The following NLRP4 variants were observed in gnomAD, a reference collection of about 807,000 sequenced individuals.
NLRP4 encodes the protein NACHT, LRR and PYD domains-containing protein 4.
A neutral mutation model predicts 84.7 loss-of-function variants in NLRP4; 44 were observed. That is an observed-to-expected ratio of 0.52 (90% CI 0.41 to 0.67). The LOEUF is 0.67. Among genes scored for constraint, NLRP4 ranks in the 30% least tolerant of loss-of-function variants. NLRP4 has a pLI of 0.00. For missense variants in NLRP4, 1,260 were observed against 1,219.4 expected (o/e 1.03, Z -0.50); for synonymous variants, 544 against 476.4 (o/e 1.14, Z -1.85).
At chr19:55,848,304 G>A (rs761782413) in intron 1 of NLRP4, among the ~76,000 whole-genome samples, 2 of 152,106 alleles carry the variant, frequency 1.3e-5, no homozygotes, top group Non-Finnish European at 2.9e-5. Context: ...TGTTGGCCTT[G>A]ATCTCCTAGC....
intron 1 of NLRP4, among the ~76,000 whole-genome samples, chr19:55,841,076 C>T (rs1174067206): frequency 1.3e-5 from 2 of 152,108 alleles, no homozygotes; most frequent in East Asian, 3.8e-4. Flanking sequence ...CACATATATC[C>T]ATTGTATAAT....
chr19:55,836,591 C>A lies in NLRP4; in HGVS notation c.-409C>A, dbSNP rs543632482. ...AGTCAGCGCTTCGTGCTGGGCTGTTCGTCTCTTCTATGTGCTGATTTCCTG... is the reference window on the plus strand; with the variant it reads ...AGTCAGCGCTTCGTGCTGGGCTGTTAGTCTCTTCTATGTGCTGATTTCCTG... On this transcript the variant is annotated 5_prime_UTR_variant, in exon 1 of 10. Transcript: ENST00000301295. The A allele has an allele frequency of 2.0e-5, 3 of 152,548 alleles. No individual in the cohort carries two copies. The highest frequency in any genetic ancestry group is 1.9e-4 in the East Asian group (1 of 5,190). 9.4% of individuals were successfully genotyped at this position (152,548 alleles called of 1,614,324 possible).
In NLRP4 at chr19:55,846,117, A is replaced by C. The variant is rs566377558; in HGVS notation, c.-65-5899A>C. Among the ~76,000 whole-genome samples, 25 of 152,316 alleles carry C rather than the reference A, an allele frequency of 1.6e-4. 1 individual carries two copies. The highest frequency in any genetic ancestry group is 6.8e-3 in the Middle Eastern group (2 of 294). On this transcript the variant is annotated intron_variant, in intron 1 of 9. Coordinates refer to ENST00000301295, the MANE Select transcript of NLRP4 (RefSeq NM_134444.5). ...TGGCCATGCCTATGTCCTGAATGGT[A>C]ATGCCTAGGTTTTCTTCTAGGGTTT...
chr19:55,849,646 G>A (rs1314402639), intron 1 of NLRP4, among the ~76,000 whole-genome samples: 1 of 152,236 alleles, frequency 6.6e-6, no homozygotes, highest in Non-Finnish European at 1.5e-5. Context: ...TGCCTCCATT[G>A]TGCCTTTGTC....
intron 1 of NLRP4, among the ~76,000 whole-genome samples, chr19:55,838,035 C>CCAAAAAAAAAAAAAAGGAAAATGGCCCCA (rs59078329): frequency 2.3e-5 from 3 of 132,656 alleles, no homozygotes; most frequent in Non-Finnish European, 3.2e-5. Context: ...GACTCGGTCT[C>CCAAAAAAAAAAAAAAGGAAAATGGCCCCA]AAGCTGGATG....
At chr19:55,851,128 T>C (rs1984112988) in intron 1 of NLRP4, among the ~76,000 whole-genome samples, 1 of 99,944 alleles carries the variant, frequency 1.0e-5, no homozygotes, top group Admixed American at 8.6e-5. Context: ...CGGTGTAATG[T>C]CCGAGGCTGC....
At chr19:55,850,752 A>T (rs1336376891) in intron 1 of NLRP4, among the ~76,000 whole-genome samples, 1 of 113,770 alleles carries the variant, frequency 8.8e-6, no homozygotes, top group Non-Finnish European at 1.8e-5. Flanking sequence ...GTACTTCCCG[A>T]GGCTGCGGTG....
In NLRP4 at chr19:55,858,698, C is replaced by A. The variant is rs1253674796; in HGVS notation, c.1305C>A (p.Thr435=). Residue 435 remains threonine (T), a synonymous_variant, in exon 3 of 10, where the codon ACC becomes ACA. Coordinates refer to ENST00000301295, the MANE Select transcript of NLRP4 (RefSeq NM_134444.5). The surrounding 1 kb of genome is among the most constrained non-coding windows in gnomAD (Gnocchi z 4.2). ...CTGACATCCCTGCGCTGCTGGGCAC[C>A]AAGATACTTCTGAAGTACGGGGAGC... ...VDADIPALLG[T]KILLKYGERE... 2 of 1,614,078 alleles carry A rather than the reference C, an allele frequency of 1.2e-6. No individual in the cohort carries two copies. Among genetic ancestry groups the A allele is most frequent in the Non-Finnish European group, 1.7e-6 (2 of 1,179,960 alleles).
chr19:55,862,337 C>A (rs1984796885), intron 5 of NLRP4, among the ~76,000 whole-genome samples, 178 bp downstream of exon 5: 1 of 128,532 alleles, frequency 7.8e-6, no homozygotes, highest in African/African-American at 2.9e-5. Flanking sequence ...TTTATTGAGA[C>A]CACTGATTGG....
intron 5 of NLRP4, among the ~76,000 whole-genome samples, chr19:55,866,441 A>G (rs12976945): frequency 0.22 from 32,971 of 152,072 alleles, 3,831 homozygotes; most frequent in East Asian, 0.39. Context: ...CCAATTCCAC[A>G]TTTATTTCTG....
At position 55,858,798 on chromosome 19, in the gene NLRP4, C is replaced by T; in HGVS notation, c.1405C>T (p.His469Tyr). Residue 469 changes from histidine (H) to tyrosine (Y), a missense_variant, in exon 3 of 10, where the codon CAC becomes TAC. This residue lies in a region of NLRP4 where 712 missense variants were observed against 669.2 expected (regional missense o/e 1.06). Transcript: ENST00000301295. This position sits in a 1 kb window ranked among gnomAD's most constrained non-coding sequence, Gnocchi z 4.2. ...CAALFYLLKS[H>Y]LDHPHPAVRC... ...CGCCTTGTTCTATTTGCTCAAGAGC[C>T]ACCTTGATCATCCTCACCCAGCTGT... 5.0e-6 allele frequency: 8 copies of T among 1,614,058 alleles called. No individual in the cohort carries two copies. Among genetic ancestry groups the T allele is most frequent in the Admixed American group, 1.7e-5 (1 of 60,018 alleles).
chr19:55,867,972 T>C (rs1295640607), intron 6 of NLRP4, 96 bp downstream of exon 6: 2 of 1,080,592 alleles, frequency 1.9e-6, no homozygotes, highest in African/African-American at 1.6e-5. Context: ...GGAGGCCACA[T>C]AGCGGAGGTT....
chr19:55,840,310 G>A lies in NLRP4; in HGVS notation c.-66+3376G>A, dbSNP rs570361674. Among the ~76,000 whole-genome samples, 16 of 151,726 alleles carry A rather than the reference G, an allele frequency of 1.1e-4. No homozygotes were observed. In the South Asian group the frequency reaches 2.7e-3, roughly 26 times the overall value. Reference sequence around the variant, plus strand: ...TCTCCTTATGGTGCTGACCATTGTCGGGGGTGTGTGTGTATAGACATATGT... The same window carrying A: ...TCTCCTTATGGTGCTGACCATTGTCAGGGGTGTGTGTGTATAGACATATGT... On this transcript the variant is annotated intron_variant, in intron 1 of 9. Coordinates refer to ENST00000301295, the MANE Select transcript of NLRP4 (RefSeq NM_134444.5).
Position 55,859,055 on chromosome 19 carries a change from T to C in NLRP4, c.1662T>C (p.Phe554=). ...GACAGGTGGATTCCTTGGCGATATT[T>C]TACTGTCTCTTTGAAATGCAGGATC... ...PQGQVDSLAI[F]YCLFEMQDPA... Residue 554 remains phenylalanine, a synonymous_variant, in exon 3 of 10, where the codon TTT becomes TTC. Coordinates refer to ENST00000301295, the MANE Select transcript of NLRP4 (RefSeq NM_134444.5). 6.2e-7 allele frequency: 1 copy of C among 1,613,826 alleles called. No individual in the cohort carries two copies. The highest frequency in any genetic ancestry group is 1.3e-5 in the African/African-American group (1 of 75,024).
At chr19:55,878,532 G>C (rs1219140568) in intron 8 of NLRP4, among the ~76,000 whole-genome samples, 1 of 152,282 alleles carries the variant, frequency 6.6e-6, no homozygotes, top group African/African-American at 2.4e-5. Flanking sequence ...CCAAAGCAAG[G>C]TATGAAGCCG....
chr19:55,850,004 G>C (rs74182580), intron 1 of NLRP4, among the ~76,000 whole-genome samples: 2 of 28,326 alleles, frequency 7.1e-5, no homozygotes, highest in East Asian at 1.1e-3. Context: ...ACTGCGGTGT[G>C]ATTTCCGAGA....
intron 6 of NLRP4, among the ~76,000 whole-genome samples, chr19:55,868,825 G>T (rs955939025): frequency 6.6e-6 from 1 of 152,112 alleles, no homozygotes; most frequent in Non-Finnish European, 1.5e-5. Flanking sequence ...GATAGGGGAG[G>T]ATGGAGATTT....
At chr19:55,849,461 G>C (rs74624131) in intron 1 of NLRP4, among the ~76,000 whole-genome samples, 1 of 152,144 alleles carries the variant, frequency 6.6e-6, no homozygotes, top group Non-Finnish European at 1.5e-5. Flanking sequence ...TCTAGTTCTG[G>C]AGGCTGGAAG....
intron 8 of NLRP4, among the ~76,000 whole-genome samples, chr19:55,878,228 C>T (rs887320815): frequency 2.0e-5 from 3 of 152,034 alleles, no homozygotes; most frequent in African/African-American, 7.3e-5. Flanking sequence ...GATCATGCCA[C>T]TGCACTTCAG....
Sources: gnomAD v4.1 joint callset for allele counts (sites outside exome capture counted in the v4.1 genomes callset) on GRCh38, gnomAD v4.1.1 for gene constraint, gnomAD v4.1.1 regional missense constraint, Gnocchi (gnomAD v3.1) non-coding constraint, MANE v1.5 for transcripts, NCBI Gene and HGNC (gene_info 2026-07-23, HGNC 2026-07-21) for gene names.